The following MPDZ variants were observed in gnomAD, a reference collection of about 807,000 sequenced individuals.
The protein encoded by MPDZ is multiple PDZ domain crumbs cell polarity complex component.
MPDZ carries 234 observed loss-of-function variants against 239.1 expected under a neutral mutation model. That is an observed-to-expected ratio of 0.98 (90% confidence interval 0.88 to 1.09). The LOEUF is 1.09. Ranked by LOEUF, MPDZ falls within the 50% of genes least tolerant of loss-of-function variation. MPDZ has a pLI of 0.00. For synonymous variants in MPDZ, 1,048 were observed against 881.3 expected (o/e 1.19, Z -3.35); for missense variants, 3,175 against 2,510.0 (o/e 1.26, Z -5.66).
At position 13,205,241 on chromosome 9, in the gene MPDZ, T is replaced by G. The variant is rs59347224; in HGVS notation, c.1475-134A>C. The G allele has an allele frequency of 6.8e-5, 33 of 482,744 alleles. 1 individual carries two copies. The highest frequency in any genetic ancestry group is 5.4e-4 in the Middle Eastern group (1 of 1,864). The allele number at this position is 482,744 out of a possible 1,614,324, so 29.9% of individuals were successfully genotyped here. On this transcript the variant is annotated intron_variant, in intron 11 of 46. Transcript: ENST00000319217. The stretch of plus-strand genomic sequence containing the variant: ...AGAGATAAACTTCTCAATAACTATA[T>G]GTACTTAAAGGCAAGTTCTGTTAGT...
intron 15 of MPDZ, among the ~76,000 whole-genome samples, chr9:13,191,409 A>C (rs957612221): frequency 2.0e-5 from 3 of 152,144 alleles, no homozygotes; most frequent in Admixed American, 6.6e-5. Flanking sequence ...TCCTAATCCT[A>C]ACTTTAGCTA....
intron 1 of MPDZ, among the ~76,000 whole-genome samples, chr9:13,263,884 T>G (rs1971240240): frequency 6.6e-6 from 1 of 152,144 alleles, no homozygotes; most frequent in Non-Finnish European, 1.5e-5. Flanking sequence ...GACAATAAAA[T>G]GAACAGTTAG....
intron 19 of MPDZ, among the ~76,000 whole-genome samples, chr9:13,182,916 T>C (rs183796782): frequency 2.9e-4 from 44 of 152,280 alleles, no homozygotes; most frequent in Non-Finnish European, 4.7e-4. Flanking sequence ...TAATTTACCA[T>C]TCACTGTGAT....
chr9:13,137,255 A>G (rs572553089), intron 29 of MPDZ, among the ~76,000 whole-genome samples: 94 of 152,270 alleles, frequency 6.2e-4, no homozygotes, highest in African/African-American at 1.9e-3. Context: ...AATGCTAGGT[A>G]GATTCAGGAT....
chr9:13,124,820 T>G (rs1261778598), intron 35 of MPDZ, among the ~76,000 whole-genome samples: 1 of 152,082 alleles, frequency 6.6e-6, no homozygotes, highest in African/African-American at 2.4e-5. Flanking sequence ...CTTAGAGAAG[T>G]TAAATTACTT....
At chr9:13,201,350 A>G (rs530181535) in intron 12 of MPDZ, among the ~76,000 whole-genome samples, 64 of 149,288 alleles carry the variant, frequency 4.3e-4, no homozygotes, top group African/African-American at 1.2e-3. Context: ...TGATGCTTTC[A>G]GTATTTTTTT....
chr9:13,108,895 T>G (rs778569254), intron 46 of MPDZ, 41 bp downstream of exon 46: 2 of 1,598,386 alleles, frequency 1.3e-6, no homozygotes, highest in East Asian at 4.5e-5. Context: ...TATTAATGAA[T>G]GTTTAGGGGA....
rs371132038 is a variant in MPDZ at position 13,110,698 on chromosome 9, C to T, written c.5767G>A (p.Gly1923Ser). ...TTAACTGCTTGGGTGTGAGTCATGC[C>T]CTCAGTGGATGTGCCACAGATGGTG... Reference protein sequence around the residue: ...IVTICGTSTEGMTHTQAVNLL... With the variant: ...IVTICGTSTESMTHTQAVNLL... The change falls in exon 44 of 47, where the codon GGC becomes AGC. Residue 1923 changes from glycine (G) to serine (S), a missense_variant. Transcript: ENST00000319217. 3 of 1,613,592 alleles carry T rather than the reference C, an allele frequency of 1.9e-6. No individual in the cohort carries two copies. Among genetic ancestry groups the T allele is most frequent in the African/African-American group, 2.7e-5 (2 of 75,014 alleles).
chr9:13,218,915 A>G (rs1246680059), intron 8 of MPDZ, among the ~76,000 whole-genome samples: 2 of 151,920 alleles, frequency 1.3e-5, no homozygotes, highest in African/African-American at 4.8e-5. Flanking sequence ...TTTCATATCA[A>G]GTTGACAAGG....
intron 18 of MPDZ, among the ~76,000 whole-genome samples, chr9:13,184,372 A>G (rs1189884986): frequency 8.6e-5 from 13 of 151,962 alleles, no homozygotes; most frequent in Non-Finnish European, 1.2e-4. Flanking sequence ...CTCTGATACT[A>G]CCAGCATTTT....
chr9:13,130,950 C>G (rs1207148565), intron 32 of MPDZ, among the ~76,000 whole-genome samples: 1 of 152,066 alleles, frequency 6.6e-6, no homozygotes, highest in Non-Finnish European at 1.5e-5. Context: ...GAGTTCAATT[C>G]CAGCTCTACT....
intron 22 of MPDZ, among the ~76,000 whole-genome samples, chr9:13,163,441 T>C (rs926481950): frequency 6.6e-6 from 1 of 152,182 alleles, no homozygotes; most frequent in African/African-American, 2.4e-5. Flanking sequence ...TACACGTGAA[T>C]GGCCATTTAC....
rs775614513 is a variant in MPDZ at position 13,193,199 on chromosome 9, C to T, written c.1771G>A (p.Gly591Arg). 53 of 1,601,960 alleles carry T rather than the reference C, an allele frequency of 3.3e-5. No homozygotes were observed. The highest frequency in any genetic ancestry group is 1.7e-4 in the Middle Eastern group (1 of 5,990). The stretch of plus-strand genomic sequence containing the variant: ...AGCTCGTCTCCACTGAAGAGCTTCC[C>T]GCTGTGTCCAACAGGACCCTCTGGT... ...VLPEGPVGHSGKLFSGDELLE... is the reference protein window; with the variant it reads ...VLPEGPVGHSRKLFSGDELLE... Residue 591 changes from glycine (G) to arginine (R), a missense_variant, in exon 14 of 47, where the codon GGG becomes AGG. Physicochemically the swap from Gly to Arg is moderately radical, Grantham distance 125 (BLOSUM62 -2). Transcript: ENST00000319217.
At chr9:13,173,509 C>G (rs1035958455) in intron 21 of MPDZ, among the ~76,000 whole-genome samples, 1 of 151,866 alleles carries the variant, frequency 6.6e-6, no homozygotes. Flanking sequence ...TCAAGACCAA[C>G]CTGGGCAACA....
intron 1 of MPDZ, among the ~76,000 whole-genome samples, chr9:13,264,055 A>C (rs1215800338): frequency 6.6e-6 from 1 of 152,202 alleles, no homozygotes; most frequent in East Asian, 1.9e-4. Flanking sequence ...TTTCCTATTA[A>C]TTTTCTAATG....
chr9:13,162,560 TA>T (rs1950606758), intron 23 of MPDZ, 130 bp downstream of exon 23: 2 of 425,306 alleles, frequency 4.7e-6, no homozygotes, highest in African/African-American at 2.0e-5. Context: ...AAGGGAAGAA[TA>T]TTTTTTAAAA....
Position 13,193,152 on chromosome 9 carries a change from A to G in MPDZ, c.1803+15T>C, listed in dbSNP as rs563580310. 2.0e-6 allele frequency: 3 copies of G among 1,499,750 alleles called. No individual in the cohort carries two copies. In the South Asian group the frequency reaches 4.3e-5, roughly 21 times the overall value. 92.9% of individuals were successfully genotyped at this position (1,499,750 alleles called of 1,614,324 possible). A position where few individuals can be genotyped will look rare whatever the true frequency, so the allele number is the denominator to read the frequency against. On this transcript the variant is annotated intron_variant, in intron 14 of 46. Coordinates refer to ENST00000319217, the MANE Select transcript of MPDZ (RefSeq NM_001378778.1). ...GTCTTATTTAAGGAGGAGAAGGAAC[A>G]GCATAGCTCCTTACTTCCAATAGCT...
At chr9:13,223,868 T>TA (rs1051421754) in intron 4 of MPDZ, among the ~76,000 whole-genome samples, 158 bp from the exon 5 acceptor site, 51 of 151,840 alleles carry the variant, frequency 3.4e-4, no homozygotes, top group African/African-American at 1.2e-3. Context: ...CCCATCTCTA[T>TA]AAAAAATAAA....
chr9:13,145,964 A>G (rs960611746), intron 26 of MPDZ, among the ~76,000 whole-genome samples: 1 of 152,066 alleles, frequency 6.6e-6, no homozygotes, highest in Non-Finnish European at 1.5e-5. Flanking sequence ...CACAAAAAAA[A>G]TAGCTTTAAC....
Sources: gnomAD v4.1 joint callset for allele counts (sites outside exome capture counted in the v4.1 genomes callset) on GRCh38, gnomAD v4.1.1 for gene constraint, MANE v1.5 for transcripts, NCBI Gene and HGNC (gene_info 2026-07-23, HGNC 2026-07-21) for gene names.